The following NEK7 variants were observed in gnomAD, a reference collection of about 807,000 sequenced individuals.
NEK7 encodes serine/threonine-protein kinase Nek7.
A neutral mutation model predicts 44.6 loss-of-function variants in NEK7; 18 were observed. That is an observed-to-expected ratio of 0.40 (90% CI 0.28 to 0.60). The LOEUF is 0.60. Ranked by LOEUF, NEK7 falls within the 20% of genes least tolerant of loss-of-function variation. The pLI is 0.38. For missense variants in NEK7, 256 were observed against 366.5 expected, an observed-to-expected ratio of 0.70 and a Z score of 2.46; for synonymous variants, 130 against 121.1, an observed-to-expected ratio of 1.07 and a Z score of -0.48.
intron 3 of NEK7, among the ~76,000 whole-genome samples, chr1:198,255,829 G>A (rs764009998): frequency 1.4e-4 from 22 of 152,216 alleles, no homozygotes; most frequent in Middle Eastern, 6.8e-3. Flanking sequence ...AGGGAGCAAC[G>A]CCTTAAACCT....
intron 5 of NEK7, among the ~76,000 whole-genome samples, chr1:198,277,282 G>C (rs1211295649): frequency 1.3e-5 from 2 of 151,790 alleles, no homozygotes; most frequent in Non-Finnish European, 3.0e-5. Context: ...AAGTACCTCT[G>C]GTTTTACAAT....
chr1:198,233,105 A>AC (rs1666447719), intron 2 of NEK7, among the ~76,000 whole-genome samples: 1 of 149,724 alleles, frequency 6.7e-6, no homozygotes, highest in African/African-American at 2.4e-5. Context: ...AAAAAAAAAA[A>AC]GGTGAGACTG....
chr1:198,303,320 A>G (rs1373670019), intron 9 of NEK7, among the ~76,000 whole-genome samples: 1 of 152,174 alleles, frequency 6.6e-6, no homozygotes. Context: ...GGAAATCACT[A>G]AATGAAAGCT....
chr1:198,304,724 A>G (rs140136222), intron 9 of NEK7, among the ~76,000 whole-genome samples: 2 of 152,232 alleles, frequency 1.3e-5, no homozygotes, highest in Non-Finnish European at 2.9e-5. Flanking sequence ...GTATCAACCT[A>G]TTTGCTTTGA....
At chr1:198,204,981 CA>C (rs1272720713) in intron 1 of NEK7, among the ~76,000 whole-genome samples, 1 of 152,112 alleles carries the variant, frequency 6.6e-6, no homozygotes, top group Non-Finnish European at 1.5e-5. Flanking sequence ...ACAATATTAA[CA>C]ACAACTAAAA....
chr1:198,306,944 T>C (rs1001823373), intron 9 of NEK7, among the ~76,000 whole-genome samples: 2 of 152,164 alleles, frequency 1.3e-5, no homozygotes, highest in Admixed American at 1.3e-4. Flanking sequence ...AAATCTATTC[T>C]GTAATTTACA....
At chr1:198,254,950 G>A (rs1344519337) in intron 3 of NEK7, among the ~76,000 whole-genome samples, 2 of 152,108 alleles carry the variant, frequency 1.3e-5, no homozygotes, top group African/African-American at 4.8e-5. Context: ...AATTTCTACT[G>A]TGATCTCTGA....
intron 1 of NEK7, among the ~76,000 whole-genome samples, chr1:198,189,183 A>G (rs969899559): frequency 6.6e-6 from 1 of 152,176 alleles, no homozygotes; most frequent in South Asian, 2.1e-4. Flanking sequence ...TTAAGATTTT[A>G]CTGGTATTAG....
At chr1:198,252,974 TC>T in intron 2 of NEK7, 65 bp from the exon 3 acceptor site, 2 of 1,305,320 alleles carry the variant, frequency 1.5e-6, no homozygotes, top group Non-Finnish European at 2.2e-6. Context: ...ATGAAAATGA[TC>T]AGTGATTGTG....
intron 7 of NEK7, among the ~76,000 whole-genome samples, chr1:198,282,680 A>G (rs1487577257): frequency 2.6e-5 from 4 of 152,078 alleles, no homozygotes; most frequent in African/African-American, 9.7e-5. Flanking sequence ...TAAATGTTCA[A>G]TTGCTTGTGG....
intron 2 of NEK7, among the ~76,000 whole-genome samples, chr1:198,250,284 C>T (rs976162225): frequency 1.3e-5 from 2 of 148,912 alleles, no homozygotes; most frequent in Non-Finnish European, 3.0e-5. Context: ...TTACTGTAGC[C>T]TTGTAGTATA....
Position 198,235,020 on chromosome 1 carries a change from TG to T in NEK7, c.57+2384del, listed in dbSNP as rs201768086. The stretch of plus-strand genomic sequence containing the variant: ...TGCTCAGCTTTGACAACCTTTTTTT[TG>T]TTTTGTTCCACACCACTGGCCTGAA... On this transcript the variant is annotated intron_variant, in intron 2 of 9. Coordinates refer to ENST00000367385, the MANE Select transcript of NEK7 (RefSeq NM_133494.3). 1.8e-4 allele frequency among the ~76,000 whole-genome samples: 28 copies of T among 152,310 alleles called. No individual in the cohort carries two copies. In the East Asian group the frequency reaches 5.2e-3, roughly 28 times the overall value.
chr1:198,310,896 G>A (rs899964237), intron 9 of NEK7, among the ~76,000 whole-genome samples: 27 of 150,078 alleles, frequency 1.8e-4, no homozygotes, highest in Admixed American at 8.1e-4. Flanking sequence ...TGTTCTTTTC[G>A]CTTAGGATTG....
At chr1:198,157,573 C>T (rs1571486803) in intron 1 of NEK7, among the ~76,000 whole-genome samples, 1 of 152,260 alleles carries the variant, frequency 6.6e-6, no homozygotes, top group Non-Finnish European at 1.5e-5. Flanking sequence ...GCCACGGCGG[C>T]GGCGGCAACA....
chr1:198,310,936 C>T (rs1241866213), intron 9 of NEK7, among the ~76,000 whole-genome samples: 18 of 149,030 alleles, frequency 1.2e-4, no homozygotes, highest in African/African-American at 2.7e-4. Context: ...TTTTTGGTTC[C>T]ATATGAACTT....
At chr1:198,219,617 C>T (rs1489694001) in intron 1 of NEK7, among the ~76,000 whole-genome samples, 1 of 151,728 alleles carries the variant, frequency 6.6e-6, no homozygotes, top group Non-Finnish European at 1.5e-5. Flanking sequence ...ATATACTATT[C>T]CGGTGACAGG....
At chr1:198,208,110 C>T (rs1665651382) in intron 1 of NEK7, among the ~76,000 whole-genome samples, 1 of 152,084 alleles carries the variant, frequency 6.6e-6, no homozygotes, top group Non-Finnish European at 1.5e-5. Context: ...ACATTTCTTC[C>T]TATATCTTTA....
intron 5 of NEK7, among the ~76,000 whole-genome samples, chr1:198,269,218 G>C (rs1030724304): frequency 1.3e-5 from 2 of 152,060 alleles, no homozygotes; most frequent in Admixed American, 1.3e-4. Context: ...TAGATGTATA[G>C]AAGTTGGTTG....
At chr1:198,243,233 T>C (rs970459558) in intron 2 of NEK7, among the ~76,000 whole-genome samples, 1 of 152,256 alleles carries the variant, frequency 6.6e-6, no homozygotes, top group African/African-American at 2.4e-5. Flanking sequence ...TGTCACATTC[T>C]ATATCACATC....
Sources: gnomAD v4.1 joint callset for allele counts (sites outside exome capture counted in the v4.1 genomes callset) on GRCh38, gnomAD v4.1.1 for gene constraint, MANE v1.5 for transcripts, NCBI Gene and HGNC (gene_info 2026-07-23, HGNC 2026-07-21) for gene names.